CLMP: variants seen among roughly 807,000 people sequenced by gnomAD.
CLMP encodes the protein CXADR-like membrane protein.
In CLMP, 27 loss-of-function variants were observed where a neutral mutation model predicts 45.2. That is an observed-to-expected ratio of 0.60 (90% confidence interval 0.44 to 0.82). The LOEUF is 0.82. CLMP is among the 40% of genes least tolerant of loss of function. The pLI, the probability that CLMP is intolerant of heterozygous loss-of-function variation, is 0.00. For missense variants in CLMP, 403 were observed against 448.4 expected, an observed-to-expected ratio of 0.90 and a Z score of 0.91; for synonymous variants, 167 against 171.4, an observed-to-expected ratio of 0.97 and a Z score of 0.20.
chr11:123,082,681 G>T (rs1182200976), intron 5 of CLMP, among the ~76,000 whole-genome samples: 2 of 151,510 alleles, frequency 1.3e-5, no homozygotes, highest in East Asian at 3.9e-4. Flanking sequence ...CGTGATCTTG[G>T]CTCACTGCAA....
At chr11:123,147,906 G>C (rs1247293793) in intron 1 of CLMP, among the ~76,000 whole-genome samples, 1 of 151,032 alleles carries the variant, frequency 6.6e-6, no homozygotes. Flanking sequence ...TCGAACTGCT[G>C]ACCTCAAGAG....
At chr11:123,177,941 C>T (rs1861719858) in intron 1 of CLMP, among the ~76,000 whole-genome samples, 1 of 152,182 alleles carries the variant, frequency 6.6e-6, no homozygotes, top group South Asian at 2.1e-4. Context: ...CGGCTCACTG[C>T]AACCTCCGCC....
chr11:123,182,318 G>A (rs955293020), intron 1 of CLMP, among the ~76,000 whole-genome samples: 1 of 152,194 alleles, frequency 6.6e-6, no homozygotes, highest in Non-Finnish European at 1.5e-5. Context: ...CATCACTTCT[G>A]TTTCCATCCG....
chr11:123,092,849 C>T (rs907924334), intron 2 of CLMP, among the ~76,000 whole-genome samples: 3 of 144,886 alleles, frequency 2.1e-5, no homozygotes, highest in South Asian at 2.2e-4. Context: ...CTGCCCACCT[C>T]GGCCTCCCAA....
At chr11:123,134,918 T>C (rs1473883898) in intron 1 of CLMP, among the ~76,000 whole-genome samples, 1 of 152,054 alleles carries the variant, frequency 6.6e-6, no homozygotes, top group African/African-American at 2.4e-5. Flanking sequence ...AGAGCAGCAA[T>C]AAACAAATTA....
chr11:123,130,441 T>C (rs753110009), intron 1 of CLMP, among the ~76,000 whole-genome samples: 4 of 152,218 alleles, frequency 2.6e-5, no homozygotes, highest in Non-Finnish European at 5.9e-5. Flanking sequence ...TTATTTATCG[T>C]CCACCCAGTG....
chr11:123,186,454 A>C (rs1190915851), intron 1 of CLMP, among the ~76,000 whole-genome samples: 1 of 152,072 alleles, frequency 6.6e-6, no homozygotes, highest in Non-Finnish European at 1.5e-5. Flanking sequence ...CCTCTTGCCT[A>C]GGGCTAAATA....
In CLMP at chr11:123,171,522, C is replaced by T. The variant is rs575002111; in HGVS notation, c.28+23391G>A. On this transcript the variant is annotated intron_variant, in intron 1 of 6. Coordinates refer to ENST00000448775, the MANE Select transcript of CLMP (RefSeq NM_024769.5). Reference sequence around the variant, plus strand: ...GCAGTGGTGTGATCTTAGCTCACTGCGACTTCCACCTCTTGGGTTCAAGCA... The same window carrying T: ...GCAGTGGTGTGATCTTAGCTCACTGTGACTTCCACCTCTTGGGTTCAAGCA... Among the ~76,000 whole-genome samples the T allele has an allele frequency of 4.0e-5, 6 of 149,552 alleles. No individual in the cohort carries two copies. In the East Asian group the frequency reaches 7.9e-4, roughly 20 times the overall value.
intron 1 of CLMP, among the ~76,000 whole-genome samples, chr11:123,183,561 C>G (rs1335514390): frequency 6.6e-6 from 1 of 152,154 alleles, no homozygotes. Context: ...GCAAGATACT[C>G]TACTACTAGG....
intron 1 of CLMP, among the ~76,000 whole-genome samples, chr11:123,114,759 G>T (rs1204420365): frequency 6.6e-6 from 1 of 152,072 alleles, no homozygotes; most frequent in East Asian, 1.9e-4. Context: ...ATTGGTACTT[G>T]ATTTATATTC....
intron 1 of CLMP, among the ~76,000 whole-genome samples, chr11:123,190,190 C>T (rs1861890689): frequency 6.6e-6 from 1 of 152,110 alleles, no homozygotes; most frequent in Admixed American, 6.5e-5. Context: ...CGGGCCATCA[C>T]CCTGAACCTG....
At chr11:123,171,997 C>G (rs1322854649) in intron 1 of CLMP, among the ~76,000 whole-genome samples, 1 of 151,926 alleles carries the variant, frequency 6.6e-6, no homozygotes, top group Non-Finnish European at 1.5e-5. Flanking sequence ...AGAGATTTTA[C>G]TATACTGTAT....
intron 1 of CLMP, among the ~76,000 whole-genome samples, chr11:123,169,891 C>G (rs1478127190): frequency 6.6e-6 from 1 of 152,120 alleles, no homozygotes; most frequent in Non-Finnish European, 1.5e-5. Flanking sequence ...TTCTGATTGG[C>G]AGTTGGTTGA....
chr11:123,078,647 T>G (rs1223434114), intron 5 of CLMP, among the ~76,000 whole-genome samples: 2 of 143,664 alleles, frequency 1.4e-5, no homozygotes, highest in Admixed American at 7.0e-5. Flanking sequence ...TGGTTTTTTT[T>G]GTTTTTTTTT....
intron 5 of CLMP, among the ~76,000 whole-genome samples, chr11:123,076,435 A>G (rs528813646): frequency 5.4e-4 from 82 of 152,364 alleles, no homozygotes; most frequent in Non-Finnish European, 9.1e-4. Flanking sequence ...AAACAAGTAA[A>G]TAAAGATAAT....
intron 1 of CLMP, among the ~76,000 whole-genome samples, chr11:123,146,275 G>A (rs972965529): frequency 6.6e-6 from 1 of 152,096 alleles, no homozygotes; most frequent in African/African-American, 2.4e-5. Context: ...GCTCGCGTCT[G>A]TAATCCCAGC....
At chr11:123,112,338 CTTTTTT>C (rs544128953) in intron 1 of CLMP, among the ~76,000 whole-genome samples, 1 of 137,574 alleles carries the variant, frequency 7.3e-6, no homozygotes, top group Non-Finnish European at 1.6e-5. Context: ...TTTTCTTTTT[CTTTTTT>C]TTTTTTTTTT....
chr11:123,117,725 C>T (rs1860737487), intron 1 of CLMP, among the ~76,000 whole-genome samples: 1 of 152,220 alleles, frequency 6.6e-6, no homozygotes, highest in Non-Finnish European at 1.5e-5. Context: ...CCATGCCTGG[C>T]TGAGACCTTT....
At chr11:123,150,517 A>AAGGAAGGAAGGT (rs1861314799) in intron 1 of CLMP, among the ~76,000 whole-genome samples, 11 of 128,350 alleles carry the variant, frequency 8.6e-5, no homozygotes, top group African/African-American at 3.3e-4. Flanking sequence ...GGAAGGAAGG[A>AAGGAAGGAAGGT]AGGAAGGAAG....
Sources: allele counts gnomAD v4.1 joint callset (sites outside exome capture counted in the v4.1 genomes callset), GRCh38; gene constraint gnomAD v4.1.1; transcripts MANE v1.5; gene names NCBI Gene and HGNC (gene_info 2026-07-23, HGNC 2026-07-21).